Variants in KCNMB2 observed in about 807,000 individuals in gnomAD.
The protein encoded by KCNMB2 is calcium-activated potassium channel subunit beta-2.
Under a neutral mutation model 24.5 loss-of-function variants are expected in KCNMB2, and 9 were observed. The observed-to-expected ratio is 0.37, with a 90% CI of 0.22 to 0.64. The LOEUF (loss-of-function observed/expected upper bound fraction) is 0.64. KCNMB2 is among the 30% of genes least tolerant of loss of function. The probability of loss-of-function intolerance (pLI) is 0.63; values close to 1 mark genes in which losing one functional copy is unlikely to be tolerated. For synonymous variants in KCNMB2, 109 were observed against 104.4 expected (o/e 1.04, Z -0.27); for missense variants, 226 against 284.3 (o/e 0.79, Z 1.47).
intron 1 of KCNMB2, among the ~76,000 whole-genome samples, chr3:178,682,263 T>G (rs1055379184): frequency 6.6e-6 from 1 of 152,312 alleles, no homozygotes; most frequent in Middle Eastern, 3.4e-3. Context: ...ATACCAAGGT[T>G]GTTGTGGAGA....
intron 1 of KCNMB2, among the ~76,000 whole-genome samples, chr3:178,571,069 C>T (rs1199301140): frequency 6.6e-6 from 1 of 152,164 alleles, no homozygotes; most frequent in Non-Finnish European, 1.5e-5. Context: ...CTAATATTTT[C>T]TTCCACAAAT....
intron 1 of KCNMB2, among the ~76,000 whole-genome samples, chr3:178,599,323 T>A (rs746945131): frequency 2.0e-5 from 3 of 152,214 alleles, no homozygotes; most frequent in Non-Finnish European, 2.9e-5. Flanking sequence ...CAGGGATGGC[T>A]GAATTTATGT....
chr3:178,637,987 C>T (rs1031544131), intron 1 of KCNMB2, among the ~76,000 whole-genome samples: 1 of 152,150 alleles, frequency 6.6e-6, no homozygotes, highest in Non-Finnish European at 1.5e-5. Flanking sequence ...TTACTAAACT[C>T]CTTTCTGTTC....
intron 1 of KCNMB2, among the ~76,000 whole-genome samples, chr3:178,692,912 T>C (rs1262645950): frequency 1.3e-5 from 2 of 152,224 alleles, no homozygotes; most frequent in East Asian, 3.8e-4. Context: ...GTTTGTGTCA[T>C]CTCTGATTTA....
At chr3:178,807,717 G>C (rs1289775400) in intron 2 of KCNMB2, among the ~76,000 whole-genome samples, 1 of 152,082 alleles carries the variant, frequency 6.6e-6, no homozygotes, top group Admixed American at 6.6e-5. Context: ...TCTTTGCTTA[G>C]CTAACTCCAG....
intron 2 of KCNMB2, among the ~76,000 whole-genome samples, chr3:178,817,011 T>G (rs1577210676): frequency 6.6e-6 from 1 of 152,008 alleles, no homozygotes; most frequent in South Asian, 2.1e-4. Context: ...TAAGATATCA[T>G]TGGGAGAGTG....
At position 178,647,575 on chromosome 3, in the gene KCNMB2, G is replaced by C. The variant is rs77760700; in HGVS notation, c.-68+110864G>C. On this transcript the variant is annotated intron_variant, in intron 1 of 4. Coordinates refer to ENST00000452583, the MANE Select transcript of KCNMB2 (RefSeq NM_181361.3). ...GTTTTATCATCTATAAAATGCAAAT[G>C]AGAAAGGCTACCCCATAGTGTTTTG... Among the ~76,000 whole-genome samples, 94 of 152,260 alleles carry C rather than the reference G, an allele frequency of 6.2e-4. 1 individual carries two copies. The East Asian group carries it at 0.016, about 26-fold the overall frequency.
chr3:178,539,896 C>T (rs1715560495), intron 1 of KCNMB2, among the ~76,000 whole-genome samples: 1 of 152,068 alleles, frequency 6.6e-6, no homozygotes, highest in Non-Finnish European at 1.5e-5. Flanking sequence ...TCTTCTTTAT[C>T]TATACTTAAG....
rs1715481963 is a variant in KCNMB2 at position 178,842,964 on chromosome 3, G to A, written c.*27G>A. 5 of 1,575,556 alleles carry A rather than the reference G, an allele frequency of 3.2e-6. No homozygotes were observed. The highest frequency in any genetic ancestry group is 3.5e-6 in the Non-Finnish European group (4 of 1,156,656). On this transcript the variant is annotated 3_prime_UTR_variant, in exon 5 of 5. Transcript: ENST00000452583. ...TGCAAAAATGGATAAAATAATTTTT[G>A]TTAAAGCTCAAATACTGTTTTCTTT...
chr3:178,761,736 G>A (rs1711892888), intron 1 of KCNMB2, among the ~76,000 whole-genome samples: 1 of 152,138 alleles, frequency 6.6e-6, no homozygotes, highest in Non-Finnish European at 1.5e-5. Flanking sequence ...GCTATGCCAA[G>A]CACTGAAGAA....
At position 178,603,481 on chromosome 3, in the gene KCNMB2, A is replaced by G. The variant is rs1236873450; in HGVS notation, c.-68+66770A>G. On this transcript the variant is annotated intron_variant, in intron 1 of 4. Transcript: ENST00000452583. ...ATTTGAGAAATGGGCAAAGGAAGGAAGGAAGAAATGGGCAAAGGAAGGAAA... is the reference window on the plus strand; with the variant it reads ...ATTTGAGAAATGGGCAAAGGAAGGAGGGAAGAAATGGGCAAAGGAAGGAAA... Among the ~76,000 whole-genome samples, 114 of 90,528 alleles carry G rather than the reference A, an allele frequency of 1.3e-3. 2 individuals carry two copies. The Admixed American group carries it at 0.013, about 11-fold the overall frequency. The allele number at this position is 90,528 out of a possible 152,430, so 59.4% of individuals were successfully genotyped here. A position where few individuals can be genotyped will look rare whatever the true frequency, so the allele number is the denominator to read the frequency against.
At chr3:178,693,203 A>AT (rs1370262290) in intron 1 of KCNMB2, among the ~76,000 whole-genome samples, 1 of 152,186 alleles carries the variant, frequency 6.6e-6, no homozygotes, top group Non-Finnish European at 1.5e-5. Context: ...AAATTAGGAT[A>AT]TTTTGACTTC....
intron 1 of KCNMB2, among the ~76,000 whole-genome samples, chr3:178,584,032 T>G (rs1251947706): frequency 6.6e-6 from 1 of 152,206 alleles, no homozygotes; most frequent in East Asian, 1.9e-4. Context: ...TTTGTCATGT[T>G]TTGTAATGTC....
intron 1 of KCNMB2, among the ~76,000 whole-genome samples, chr3:178,623,592 A>T (rs1385947857): frequency 6.6e-6 from 1 of 152,220 alleles, no homozygotes; most frequent in Admixed American, 6.5e-5. Context: ...ACTGCAGTTT[A>T]AATAATAAAA....
At chr3:178,657,315 A>G (rs1720379918) in intron 1 of KCNMB2, among the ~76,000 whole-genome samples, 1 of 152,188 alleles carries the variant, frequency 6.6e-6, no homozygotes, top group Admixed American at 6.5e-5. Context: ...GTTCTCTTTC[A>G]TTGCTGATTC....
chr3:178,597,574 G>T (rs1464472078), intron 1 of KCNMB2, among the ~76,000 whole-genome samples: 1 of 152,134 alleles, frequency 6.6e-6, no homozygotes, highest in Non-Finnish European at 1.5e-5. Context: ...TGCAAAGCAT[G>T]AATGGGAACA....
chr3:178,623,138 G>A (rs920189035), intron 1 of KCNMB2, among the ~76,000 whole-genome samples: 1 of 152,200 alleles, frequency 6.6e-6, no homozygotes, highest in Non-Finnish European at 1.5e-5. Flanking sequence ...CTCAAATCCT[G>A]CACAGTGTTA....
intron 1 of KCNMB2, among the ~76,000 whole-genome samples, chr3:178,791,850 GA>G (rs75465813): frequency 0.031 from 2,362 of 75,774 alleles, 39 homozygotes; most frequent in African/African-American, 0.093. Context: ...AGTACTGAAA[GA>G]AAAAAAAAAA....
intron 1 of KCNMB2, among the ~76,000 whole-genome samples, chr3:178,624,793 G>A (rs908502124): frequency 1.3e-5 from 2 of 151,924 alleles, no homozygotes; most frequent in African/African-American, 4.8e-5. Flanking sequence ...GGACAGGGCG[G>A]GCAACCTGTC....
Sources: gnomAD v4.1 joint callset for allele counts (sites outside exome capture counted in the v4.1 genomes callset) on GRCh38, gnomAD v4.1.1 for gene constraint, MANE v1.5 for transcripts, NCBI Gene and HGNC (gene_info 2026-07-23, HGNC 2026-07-21) for gene names.